SLC22A23: variants seen among roughly 807,000 people sequenced by gnomAD.
SLC22A23 encodes the protein ion transporter protein.
A neutral mutation model predicts 61.0 loss-of-function variants in SLC22A23; 26 were observed. The ratio of observed to expected loss-of-function variants is 0.43; its 90% CI spans 0.31 to 0.59. SLC22A23 has a LOEUF of 0.59. Among genes scored for constraint, SLC22A23 ranks in the 20% least tolerant of loss-of-function variants. The pLI is 0.11. For synonymous variants in SLC22A23, 430 were observed against 413.9 expected, an observed-to-expected ratio of 1.04 and a Z score of -0.47; for missense variants, 796 against 934.7, an observed-to-expected ratio of 0.85 and a Z score of 1.94.
At chr6:3,439,119 G>C (rs1364371152) in intron 1 of SLC22A23, among the ~76,000 whole-genome samples, 1 of 152,110 alleles carries the variant, frequency 6.6e-6, no homozygotes, top group Non-Finnish European at 1.5e-5. Flanking sequence ...GCCGGATCTG[G>C]GGCCGGATCA....
chr6:3,332,827 T>A (rs1372953135), intron 3 of SLC22A23, among the ~76,000 whole-genome samples: 5 of 152,174 alleles, frequency 3.3e-5, no homozygotes, highest in Non-Finnish European at 7.3e-5. Flanking sequence ...ATCTTAATTC[T>A]CCTTCAGTCT....
At chr6:3,305,220 C>T (rs12206382) in intron 4 of SLC22A23, among the ~76,000 whole-genome samples, 41,387 of 152,134 alleles carry the variant, frequency 0.27, 6,980 homozygotes, top group Non-Finnish European at 0.38. Context: ...AGTTCAAGTA[C>T]ATTGCCCAGG....
intron 1 of SLC22A23, among the ~76,000 whole-genome samples, chr6:3,435,903 G>C (rs1771180080): frequency 6.6e-6 from 1 of 152,180 alleles, no homozygotes; most frequent in Non-Finnish European, 1.5e-5. Flanking sequence ...ACCACGTGGG[G>C]ACAGAGGGAG....
chr6:3,386,727 G>A lies in SLC22A23; in HGVS notation c.913+23461C>T, dbSNP rs1167953801. The stretch of plus-strand genomic sequence containing the variant: ...TGCCCCAGGGTCACCCAGCGTGGGA[G>A]GGGTGGAGGCGGCAGTGGGACTGGG... On this transcript the variant is annotated intron_variant, in intron 3 of 9. Transcript: ENST00000406686. The surrounding 1 kb of genome is among the most constrained non-coding windows in gnomAD (Gnocchi z 4.4). Among the ~76,000 whole-genome samples the A allele has an allele frequency of 6.6e-6, 1 of 152,214 alleles. No individual in the cohort carries two copies. Among genetic ancestry groups the A allele is most frequent in the Non-Finnish European group, 1.5e-5 (1 of 68,034 alleles).
rs1763368943 is a variant in SLC22A23 at position 3,327,894 on chromosome 6, A to C, written c.914-3892T>G. ...TGCATGAAACAAAGTTTTGACTGAGACCCATCATATAAGGTCATGTGTGAA... is the reference window on the plus strand; with the variant it reads ...TGCATGAAACAAAGTTTTGACTGAGCCCCATCATATAAGGTCATGTGTGAA... On this transcript the variant is annotated intron_variant, in intron 3 of 9. Coordinates refer to ENST00000406686, the MANE Select transcript of SLC22A23 (RefSeq NM_015482.2). This position sits in a 1 kb window ranked among gnomAD's most constrained non-coding sequence, Gnocchi z 4.1. 6.6e-6 allele frequency among the ~76,000 whole-genome samples: 1 copy of C among 152,090 alleles called. No homozygotes were observed. Among genetic ancestry groups the C allele is most frequent in the African/African-American group, 2.4e-5 (1 of 41,420 alleles).
intron 6 of SLC22A23, among the ~76,000 whole-genome samples, chr6:3,288,198 C>T (rs559441749): frequency 1.3e-5 from 2 of 152,296 alleles, no homozygotes; most frequent in African/African-American, 4.8e-5. Context: ...ACCTGTGATG[C>T]ACCCGTGGTG....
At chr6:3,355,177 TC>T (rs1764995566) in intron 3 of SLC22A23, among the ~76,000 whole-genome samples, 2 of 147,366 alleles carry the variant, frequency 1.4e-5, no homozygotes, top group Admixed American at 1.4e-4. Context: ...GCCGCCACCC[TC>T]CCCAGCTAAA....
At chr6:3,361,809 C>A (rs770861651) in intron 3 of SLC22A23, among the ~76,000 whole-genome samples, 1 of 152,216 alleles carries the variant, frequency 6.6e-6, no homozygotes, top group Non-Finnish European at 1.5e-5. Flanking sequence ...AAGGCCTCCA[C>A]GGCTGGGACA....
intron 5 of SLC22A23, chr6:3,290,264 C>A (rs1760458786): frequency 1.3e-5 from 4 of 307,074 alleles, no homozygotes; most frequent in South Asian, 1.2e-4. Flanking sequence ...TCTAAACATG[C>A]AGTTCTTTTC....
intron 1 of SLC22A23, among the ~76,000 whole-genome samples, chr6:3,437,720 A>T (rs908318373): frequency 4.7e-5 from 7 of 149,490 alleles, no homozygotes; most frequent in Admixed American, 4.0e-4. Context: ...TAATAATTTT[A>T]AAAACCCACT....
At position 3,372,265 on chromosome 6, in the gene SLC22A23, T is replaced by A. The variant is rs1766267709; in HGVS notation, c.913+37923A>T. The stretch of plus-strand genomic sequence containing the variant: ...GGGTAAACACCATCGGGCCAGTAAA[T>A]CTTGTCCATCTAGTGTTTCAAAGTA... On this transcript the variant is annotated intron_variant, in intron 3 of 9. Transcript: ENST00000406686. This position sits in a 1 kb window ranked among gnomAD's most constrained non-coding sequence, Gnocchi z 4.7. Among the ~76,000 whole-genome samples, 1 of 152,130 alleles carries A rather than the reference T, an allele frequency of 6.6e-6. No individual in the cohort carries two copies. The highest frequency in any genetic ancestry group is 2.4e-5 in the African/African-American group (1 of 41,410).
intron 3 of SLC22A23, among the ~76,000 whole-genome samples, chr6:3,403,263 C>T (rs151055672): frequency 2.5e-3 from 378 of 151,934 alleles, no homozygotes; most frequent in African/African-American, 8.0e-3. Context: ...ACAAAGTCAG[C>T]CCAGTATTGC....
intron 1 of SLC22A23, among the ~76,000 whole-genome samples, chr6:3,432,541 A>G (rs983671497): frequency 2.0e-5 from 3 of 152,146 alleles, no homozygotes; most frequent in Non-Finnish European, 4.4e-5. Context: ...ATCATGACAA[A>G]TGCATCATTT....
Position 3,390,326 on chromosome 6 carries a change from T to C in SLC22A23, c.913+19862A>G, listed in dbSNP as rs1391154587. 1.3e-5 allele frequency among the ~76,000 whole-genome samples: 2 copies of C among 152,200 alleles called. No homozygotes were observed. Among genetic ancestry groups the C allele is most frequent in the Non-Finnish European group, 2.9e-5 (2 of 68,026 alleles). On this transcript the variant is annotated intron_variant, in intron 3 of 9. Transcript: ENST00000406686. This position sits in a 1 kb window ranked among gnomAD's most constrained non-coding sequence, Gnocchi z 4.0. ...TACTACTCAATTAGATTTTAAAAGA[T>C]GCCCCTCTGTCAGAATGCAGAGAGA...
In SLC22A23 at chr6:3,279,509, C is replaced by CAAAAAAAAAAAAAAAAAAAAAAAAAAA. The variant is rs10642564; in HGVS notation, c.1703+4316_1703+4342dup. ...CTGGCAACAGAGCAAGGCTCCGTCT[C>CAAAAAAAAAAAAAAAAAAAAAAAAAAA]AAAAAAAAAAAAAAAAAAAAAAAAA... On this transcript the variant is annotated intron_variant, in intron 9 of 9. Transcript: ENST00000406686. Among the ~76,000 whole-genome samples the CAAAAAAAAAAAAAAAAAAAAAAAAAAA allele has an allele frequency of 2.2e-4, 8 of 36,016 alleles. 1 individual carries two copies. Among genetic ancestry groups the CAAAAAAAAAAAAAAAAAAAAAAAAAAA allele is most frequent in the Admixed American group, 1.8e-3 (3 of 1,640 alleles). 23.6% of individuals were successfully genotyped at this position (36,016 alleles called of 152,430 possible).
chr6:3,381,316 G>C (rs1766939004), intron 3 of SLC22A23, among the ~76,000 whole-genome samples: 1 of 150,034 alleles, frequency 6.7e-6, no homozygotes, highest in Non-Finnish European at 1.5e-5. Context: ...CAGCACTGTA[G>C]TACAGTGGGG....
At chr6:3,449,896 C>T (rs1772085692) in intron 1 of SLC22A23, among the ~76,000 whole-genome samples, 1 of 152,190 alleles carries the variant, frequency 6.6e-6, no homozygotes, top group Non-Finnish European at 1.5e-5. Context: ...AAACTTAATG[C>T]TTCCTCGGTA....
At chr6:3,343,990 G>A (rs958791025) in intron 3 of SLC22A23, among the ~76,000 whole-genome samples, 2 of 152,216 alleles carry the variant, frequency 1.3e-5, no homozygotes, top group African/African-American at 4.8e-5. Flanking sequence ...TTTTTGCTAA[G>A]GGGAATGGTA....
chr6:3,427,221 AT>A lies in SLC22A23; in HGVS notation c.655-11367del. Among the ~76,000 whole-genome samples the A allele has an allele frequency of 6.6e-6, 1 of 152,336 alleles. No homozygotes were observed. Among genetic ancestry groups the A allele is most frequent in the Middle Eastern group, 3.4e-3 (1 of 294 alleles). On this transcript the variant is annotated intron_variant, in intron 1 of 9. Transcript: ENST00000406686. The surrounding 1 kb of genome is among the most constrained non-coding windows in gnomAD (Gnocchi z 4.3). ...CAGAGGGTTGTTACAAGAGTCAAAA[AT>A]AACATCGGGAATGCGCCTGGTGCAG...
Sources: gnomAD v4.1 joint callset for allele counts (sites outside exome capture counted in the v4.1 genomes callset) on GRCh38, gnomAD v4.1.1 for gene constraint, Gnocchi (gnomAD v3.1) non-coding constraint, MANE v1.5 for transcripts, NCBI Gene and HGNC (gene_info 2026-07-23, HGNC 2026-07-21) for gene names.